SHOC2: variants seen among roughly 807,000 people sequenced by gnomAD.
The protein encoded by SHOC2 is leucine-rich repeat protein SHOC-2.
SHOC2 carries 4 observed loss-of-function variants against 50.2 expected under a neutral mutation model. The observed-to-expected ratio is 0.08, with a 90% CI of 0.04 to 0.18. The LOEUF is 0.18. SHOC2 is among the 10% of genes least tolerant of loss of function. The pLI, the probability that SHOC2 is intolerant of heterozygous loss-of-function variation, is 1.00. For missense variants in SHOC2, 388 were observed against 669.6 expected (o/e 0.58, Z 4.64); for synonymous variants, 218 against 244.5 (o/e 0.89, Z 1.01).
intron 4 of SHOC2, among the ~76,000 whole-genome samples, chr10:111,002,820 G>A (rs1848403326): frequency 6.6e-6 from 1 of 151,878 alleles, no homozygotes; most frequent in African/African-American, 2.4e-5. Context: ...TTCACAATGT[G>A]ACTAAGAAAT....
rs765714933 is a variant in SHOC2, at chr10:110,964,436, G to A, written c.78G>A (p.Lys26=). Residue 26 remains lysine (K), a synonymous_variant, in exon 2 of 9, where the codon AAG becomes AAA. Coordinates refer to ENST00000369452, the MANE Select transcript of SHOC2 (RefSeq NM_007373.4). The surrounding 1 kb of genome is among the most constrained non-coding windows in gnomAD (Gnocchi z 4.9). The part of the protein sequence containing the change: ...PKVPSAKERE[K]EAKASGGFGK... ...TACCATCAGCCAAGGAAAGAGAAAA[G>A]GAGGCAAAAGCCTCTGGAGGTTTTG... The A allele has an allele frequency of 1.9e-6, 3 of 1,613,270 alleles. No individual in the cohort carries two copies. In the East Asian group the frequency reaches 6.7e-5, roughly 36 times the overall value.
chr10:110,943,057 A>G (rs564060140), intron 1 of SHOC2, among the ~76,000 whole-genome samples: 13 of 152,156 alleles, frequency 8.5e-5, no homozygotes, highest in Admixed American at 8.5e-4. Flanking sequence ...ATCTGCCTTC[A>G]TGTGGATTCT....
intron 1 of SHOC2, among the ~76,000 whole-genome samples, chr10:110,941,066 A>G (rs1847134230): frequency 6.6e-6 from 1 of 151,410 alleles, no homozygotes; most frequent in African/African-American, 2.4e-5. Flanking sequence ...CAAGTAGCTG[A>G]GACAACAGGT....
chr10:111,000,331 A>C (rs1239529825), intron 3 of SHOC2, 84 bp from the exon 4 acceptor site: 1 of 1,370,016 alleles, frequency 7.3e-7, no homozygotes, highest in Non-Finnish European at 1.0e-6. Context: ...AGTAATTTGT[A>C]AATAGTTAGT....
intron 5 of SHOC2, among the ~76,000 whole-genome samples, chr10:111,006,471 CG>C (rs1253723202): frequency 4.0e-5 from 6 of 151,718 alleles, no homozygotes; most frequent in African/African-American, 1.4e-4. Flanking sequence ...CCCGGGTTCA[CG>C]CCATTCTCCT....
At chr10:110,966,489 A>T (rs1281265074) in intron 2 of SHOC2, among the ~76,000 whole-genome samples, 1 of 152,132 alleles carries the variant, frequency 6.6e-6, no homozygotes, top group Non-Finnish European at 1.5e-5. Context: ...TAGAAATATA[A>T]AAGTTACTTC....
At chr10:110,966,188 T>C (rs1847672113) in intron 2 of SHOC2, among the ~76,000 whole-genome samples, 1 of 152,110 alleles carries the variant, frequency 6.6e-6, no homozygotes, top group African/African-American at 2.4e-5. Context: ...ATTTAACTCT[T>C]AACTAGACAA....
At chr10:110,943,389 C>G (rs1385082594) in intron 1 of SHOC2, among the ~76,000 whole-genome samples, 1 of 151,958 alleles carries the variant, frequency 6.6e-6, no homozygotes, top group Non-Finnish European at 1.5e-5. Flanking sequence ...CATGATTGCA[C>G]TTTCAACTCC....
intron 2 of SHOC2, among the ~76,000 whole-genome samples, chr10:110,970,667 GTTC>G (rs966962542): frequency 8.6e-5 from 13 of 150,344 alleles, no homozygotes; most frequent in African/African-American, 2.9e-4. Context: ...GTGTATGAGA[GTTC>G]TTCTTTTTCT....
chr10:110,972,204 CT>C (rs1211228454), intron 2 of SHOC2, among the ~76,000 whole-genome samples: 1 of 151,056 alleles, frequency 6.6e-6, no homozygotes. Flanking sequence ...GTATTATATA[CT>C]TTATTTTAGT....
chr10:110,950,980 A>G (rs1025417967), intron 1 of SHOC2, among the ~76,000 whole-genome samples: 2 of 152,338 alleles, frequency 1.3e-5, no homozygotes, highest in African/African-American at 4.8e-5. Context: ...GGTTGGGGCA[A>G]TGATTTTTTG....
chr10:110,953,500 T>A (rs1163850232), intron 1 of SHOC2, among the ~76,000 whole-genome samples: 3 of 152,174 alleles, frequency 2.0e-5, no homozygotes, highest in Non-Finnish European at 4.4e-5. Flanking sequence ...TAATATTGTA[T>A]TTTATGATGT....
At chr10:110,937,303 GC>G in intron 1 of SHOC2, 1 of 699,680 alleles carries the variant, frequency 1.4e-6, no homozygotes, top group Non-Finnish European at 2.6e-6. Context: ...TTTCAGTGAT[GC>G]CAAATGAGGT....
intron 1 of SHOC2, among the ~76,000 whole-genome samples, chr10:110,945,387 A>G (rs1360886929): frequency 1.3e-5 from 2 of 152,202 alleles, no homozygotes; most frequent in African/African-American, 4.8e-5. Context: ...TCGTTTCTTC[A>G]AGACTACTGT....
At chr10:110,924,720 A>G (rs776119247) in intron 1 of SHOC2, among the ~76,000 whole-genome samples, 1 of 152,172 alleles carries the variant, frequency 6.6e-6, no homozygotes, top group Non-Finnish European at 1.5e-5. Context: ...CAAGGAGAAT[A>G]TATCAGTGTA....
chr10:110,940,374 T>C (rs1847111485), intron 1 of SHOC2, among the ~76,000 whole-genome samples: 2 of 152,156 alleles, frequency 1.3e-5, no homozygotes, highest in Non-Finnish European at 2.9e-5. Flanking sequence ...CCTTTATATT[T>C]CTCTTAGAAA....
At chr10:110,972,379 C>T (rs1219523184) in intron 2 of SHOC2, among the ~76,000 whole-genome samples, 3 of 152,056 alleles carry the variant, frequency 2.0e-5, no homozygotes, top group African/African-American at 7.2e-5. Context: ...TGTACAAATG[C>T]TAAGTAACTT....
chr10:110,975,136 T>C (rs1431840032), intron 2 of SHOC2, among the ~76,000 whole-genome samples: 2 of 152,102 alleles, frequency 1.3e-5, no homozygotes, highest in African/African-American at 4.8e-5. Flanking sequence ...ACGTCCATTT[T>C]CTGTTCTAGA....
intron 1 of SHOC2, among the ~76,000 whole-genome samples, chr10:110,934,593 G>T (rs778700816): frequency 6.6e-6 from 1 of 152,034 alleles, no homozygotes; most frequent in Non-Finnish European, 1.5e-5. Flanking sequence ...TGTGCACATT[G>T]CAGTGAACAC....
Sources: allele counts gnomAD v4.1 joint callset (sites outside exome capture counted in the v4.1 genomes callset), GRCh38; gene constraint gnomAD v4.1.1; non-coding constraint Gnocchi (gnomAD v3.1); transcripts MANE v1.5; gene names NCBI Gene and HGNC (gene_info 2026-07-23, HGNC 2026-07-21).